OSBPL6: variants seen among roughly 807,000 people sequenced by gnomAD.
The protein encoded by OSBPL6 is oxysterol-binding protein-related protein 6.
In OSBPL6, 49 loss-of-function variants were observed where a neutral mutation model predicts 125.8. The observed-to-expected ratio is 0.39, with a 90% CI of 0.31 to 0.49. The LOEUF (loss-of-function observed/expected upper bound fraction) is 0.49, where lower values mean the gene tolerates loss of function less well. Ranked by LOEUF, OSBPL6 falls within the 20% of genes least tolerant of loss-of-function variation. The pLI is 0.88. For synonymous variants in OSBPL6, 394 were observed against 391.8 expected, an observed-to-expected ratio of 1.01 and a Z score of -0.07; for missense variants, 986 against 1,135.4, an observed-to-expected ratio of 0.87 and a Z score of 1.89.
At position 178,332,998 on chromosome 2, in the gene OSBPL6, C is replaced by A. The variant is rs758161773; in HGVS notation, c.614C>A (p.Ala205Asp). 2.5e-6 allele frequency: 4 copies of A among 1,614,072 alleles called. No individual in the cohort carries two copies. Among genetic ancestry groups the A allele is most frequent in the Non-Finnish European group, 3.4e-6 (4 of 1,180,036 alleles). The change falls in exon 8 of 25, where the codon GCT becomes GAT. Residue 205 changes from alanine to aspartate, a missense_variant. Coordinates refer to ENST00000190611, the MANE Select transcript of OSBPL6 (RefSeq NM_032523.4). ...CACATATTTCCTTCAACGTCCACAG[C>A]TGAATCCTCACCAGCTGCTAATGTT... ...SFHIFPSTST[A>D]ESSPAANVSV...
At chr2:178,231,891 T>C (rs1414046497) in intron 1 of OSBPL6, among the ~76,000 whole-genome samples, 1 of 152,192 alleles carries the variant, frequency 6.6e-6, no homozygotes, top group African/African-American at 2.4e-5. Context: ...CTTGAACTCC[T>C]GGTCTAGCAT....
intron 1 of OSBPL6, among the ~76,000 whole-genome samples, chr2:178,265,044 T>C (rs945038133): frequency 6.6e-6 from 1 of 151,446 alleles, no homozygotes; most frequent in Non-Finnish European, 1.5e-5. Flanking sequence ...ATTTTTTTTT[T>C]CACTTTTTTT....
intron 5 of OSBPL6, among the ~76,000 whole-genome samples, chr2:178,330,501 G>A (rs542614631): frequency 1.2e-4 from 18 of 152,296 alleles, no homozygotes; most frequent in Admixed American, 3.9e-4. Flanking sequence ...CAACCGTAGA[G>A]ACTCTTTTTT....
At chr2:178,361,406 A>G (rs992964690) in intron 12 of OSBPL6, among the ~76,000 whole-genome samples, 2 of 152,186 alleles carry the variant, frequency 1.3e-5, no homozygotes, top group African/African-American at 4.8e-5. Context: ...GATACTTTGC[A>G]TTGATCTTGA....
In OSBPL6 at chr2:178,349,646, G is replaced by A. The variant is rs576636384; in HGVS notation, c.1153+257G>A. 2.0e-5 allele frequency among the ~76,000 whole-genome samples: 3 copies of A among 152,204 alleles called. No homozygotes were observed. In the East Asian group the frequency reaches 5.8e-4, roughly 29 times the overall value. On this transcript the variant is annotated intron_variant, in intron 12 of 24. Coordinates refer to ENST00000190611, the MANE Select transcript of OSBPL6 (RefSeq NM_032523.4). ...GATAAAAAGTTATTGTACGCAATCTGGCAAGATACTACTACTCAACATTTT... is the reference window on the plus strand; with the variant it reads ...GATAAAAAGTTATTGTACGCAATCTAGCAAGATACTACTACTCAACATTTT...
intron 3 of OSBPL6, among the ~76,000 whole-genome samples, chr2:178,308,570 C>G (rs755864929): frequency 6.6e-6 from 1 of 152,142 alleles, no homozygotes; most frequent in Non-Finnish European, 1.5e-5. Flanking sequence ...AAGTTCTAAT[C>G]GTAGGTAACT....
intron 1 of OSBPL6, among the ~76,000 whole-genome samples, chr2:178,219,142 T>G (rs2090229778): frequency 6.6e-6 from 1 of 152,176 alleles, no homozygotes; most frequent in Non-Finnish European, 1.5e-5. Context: ...AAGACCAACA[T>G]AAAATAGACT....
At chr2:178,253,850 G>A (rs978034489) in intron 1 of OSBPL6, among the ~76,000 whole-genome samples, 3 of 150,428 alleles carry the variant, frequency 2.0e-5, no homozygotes, top group Non-Finnish European at 4.4e-5. Context: ...ATGGAGAGGT[G>A]GGGCCTTTAA....
intron 2 of OSBPL6, among the ~76,000 whole-genome samples, chr2:178,291,031 C>T (rs1431218360): frequency 6.6e-6 from 1 of 151,696 alleles, no homozygotes; most frequent in Non-Finnish European, 1.5e-5. Flanking sequence ...TTAATAATTT[C>T]AGCATGAAAA....
chr2:178,305,923 G>T, intron 2 of OSBPL6, 107 bp from the exon 3 acceptor site: 1 of 226,240 alleles, frequency 4.4e-6, no homozygotes. Flanking sequence ...TTCCTAATGT[G>T]TCAGAGTTCC....
At chr2:178,216,775 G>A (rs766855136) in intron 1 of OSBPL6, among the ~76,000 whole-genome samples, 1 of 152,232 alleles carries the variant, frequency 6.6e-6, no homozygotes, top group Non-Finnish European at 1.5e-5. Context: ...TGCCAGGAAT[G>A]CATGGCCTGA....
rs1033516792 is a variant in OSBPL6, at chr2:178,399,029, C to T, written c.*3470C>T. 3 of 151,672 alleles carry T rather than the reference C, an allele frequency of 2.0e-5. No individual in the cohort carries two copies. Among genetic ancestry groups the T allele is most frequent in the Non-Finnish European group, 4.4e-5 (3 of 67,990 alleles). 9.4% of individuals were successfully genotyped at this position (151,672 alleles called of 1,614,324 possible). ...GTGTTTGTGGGAGCAGAGCTCTGCA[C>T]ACACCAGGGGATGTAATAAATGTTT... On this transcript the variant is annotated 3_prime_UTR_variant, in exon 25 of 25. Transcript: ENST00000190611.
At chr2:178,262,350 TTGAG>T (rs1489065747) in intron 1 of OSBPL6, among the ~76,000 whole-genome samples, 1 of 152,158 alleles carries the variant, frequency 6.6e-6, no homozygotes, top group Non-Finnish European at 1.5e-5. Context: ...AAATAATTGT[TTGAG>T]TATTAAATTT....
intron 1 of OSBPL6, among the ~76,000 whole-genome samples, chr2:178,245,618 G>A (rs1175668995): frequency 2.0e-5 from 3 of 152,174 alleles, no homozygotes; most frequent in Non-Finnish European, 4.4e-5. Context: ...AAGTATACGT[G>A]GGATAACTAG....
At chr2:178,259,099 G>C (rs1369798087) in intron 1 of OSBPL6, among the ~76,000 whole-genome samples, 1 of 152,178 alleles carries the variant, frequency 6.6e-6, no homozygotes, top group East Asian at 1.9e-4. Context: ...TCTTCTGAAG[G>C]TTGTTGTTGG....
At chr2:178,211,597 T>A (rs1400964934) in intron 1 of OSBPL6, among the ~76,000 whole-genome samples, 2 of 152,070 alleles carry the variant, frequency 1.3e-5, no homozygotes, top group Non-Finnish European at 1.5e-5. Context: ...TGCCTTACCC[T>A]CCTCTGTCTC....
chr2:178,225,003 T>TTCTCTCTCTCTCTC (rs10679680), intron 1 of OSBPL6, among the ~76,000 whole-genome samples: 97 of 148,536 alleles, frequency 6.5e-4, no homozygotes, highest in East Asian at 2.5e-3. Flanking sequence ...CTCTCTCTCT[T>TTCTCTCTCTCTCTC]TCTCTCTCTC....
chr2:178,209,866 A>G (rs1023735486), intron 1 of OSBPL6, among the ~76,000 whole-genome samples: 2 of 152,052 alleles, frequency 1.3e-5, no homozygotes, highest in Non-Finnish European at 2.9e-5. Context: ...CATTAAGAAA[A>G]AAAAAAAACT....
intron 2 of OSBPL6, among the ~76,000 whole-genome samples, chr2:178,293,004 T>TG (rs1685421683): frequency 3.0e-5 from 1 of 33,714 alleles, no homozygotes; most frequent in Non-Finnish European, 1.5e-4. Context: ...TTCAAATGTC[T>TG]ATTTTTTTTC....
Sources: allele counts gnomAD v4.1 joint callset (sites outside exome capture counted in the v4.1 genomes callset), GRCh38; gene constraint gnomAD v4.1.1; transcripts MANE v1.5; gene names NCBI Gene and HGNC (gene_info 2026-07-23, HGNC 2026-07-21).